Variants in DSC2 observed in about 807,000 individuals in gnomAD.
DSC2 encodes desmocollin-2.
Under a neutral mutation model 87.6 loss-of-function variants are expected in DSC2, and 51 were observed. The observed-to-expected ratio is 0.58, with a 90% CI of 0.46 to 0.74. The LOEUF is 0.74. DSC2 is among the 30% of genes least tolerant of loss of function. DSC2 has a pLI of 0.00. For synonymous variants in DSC2, 383 were observed against 393.2 expected, an observed-to-expected ratio of 0.97 and a Z score of 0.31; for missense variants, 1,066 against 1,089.5, an observed-to-expected ratio of 0.98 and a Z score of 0.30.
intron 7 of DSC2, among the ~76,000 whole-genome samples, chr18:31,085,471 A>T (rs1210192300): frequency 2.0e-5 from 3 of 151,236 alleles, no homozygotes; most frequent in Non-Finnish European, 3.0e-5. Flanking sequence ...TATTTTTAAT[A>T]TTTAAATTAA....
At chr18:31,076,719 A>G (rs1306311483) in intron 11 of DSC2, among the ~76,000 whole-genome samples, 1 of 152,206 alleles carries the variant, frequency 6.6e-6, no homozygotes, top group African/African-American at 2.4e-5. Flanking sequence ...TTAAAGAAAA[A>G]CATGGCTTTT....
intron 6 of DSC2, 110 bp from the exon 7 acceptor site, chr18:31,086,852 T>C (rs955743709): frequency 7.6e-6 from 9 of 1,185,260 alleles, no homozygotes; most frequent in South Asian, 4.0e-5. Context: ...CATTATTACA[T>C]GGCAAAGTCA....
In DSC2 at chr18:31,059,825, A is replaced by G. The variant is rs1431113340; in HGVS notation, c.*8190T>C. On this transcript the variant is annotated 3_prime_UTR_variant, in exon 16 of 16. Transcript: ENST00000280904. ...TTTTCCCATTTAATTAAAGTTTTCAAAATAAAATGATTGCATGATATTCCA... is the reference window on the plus strand; with the variant it reads ...TTTTCCCATTTAATTAAAGTTTTCAGAATAAAATGATTGCATGATATTCCA... 6.6e-6 allele frequency: 1 copy of G among 152,220 alleles called. No homozygotes were observed. Among genetic ancestry groups the G allele is most frequent in the Non-Finnish European group, 1.5e-5 (1 of 68,048 alleles). The allele number at this position is 152,220 out of a possible 1,614,324, so 9.4% of individuals were successfully genotyped here.
In DSC2 at chr18:31,060,978, C is replaced by G. The variant is rs1379330434; in HGVS notation, c.*7037G>C. 1 of 152,134 alleles carries G rather than the reference C, an allele frequency of 6.6e-6. No homozygotes were observed. 9.4% of individuals were successfully genotyped at this position (152,134 alleles called of 1,614,324 possible). A position where few individuals can be genotyped will look rare whatever the true frequency, so the allele number is the denominator to read the frequency against. On this transcript the variant is annotated 3_prime_UTR_variant, in exon 16 of 16. Transcript: ENST00000280904. ...TAAGTTTCATAAACCACCAAATAAT[C>G]AATAAACCCAGTTACTAAAACCCTA...
intron 1 of DSC2, chr18:31,101,370 C>T (rs1348139127): frequency 1.3e-6 from 1 of 753,248 alleles, no homozygotes; most frequent in Non-Finnish European, 1.6e-6. Context: ...CTCTCCGTCC[C>T]GGCCGCCCAG....
intron 14 of DSC2, among the ~76,000 whole-genome samples, chr18:31,069,442 T>C (rs1172417752): frequency 2.0e-5 from 3 of 152,058 alleles, no homozygotes; most frequent in African/African-American, 7.2e-5. Flanking sequence ...CTGCCCATTG[T>C]GGTGGCTCAT....
intron 3 of DSC2, chr18:31,091,473 C>T (rs975690666): frequency 1.9e-5 from 9 of 485,254 alleles, no homozygotes; most frequent in African/African-American, 1.2e-4. Flanking sequence ...GAGAGATATG[C>T]AAAGAAAATA....
At chr18:31,098,211 A>C (rs1598595820) in intron 1 of DSC2, among the ~76,000 whole-genome samples, 2 of 152,314 alleles carry the variant, frequency 1.3e-5, no homozygotes, top group South Asian at 4.1e-4. Flanking sequence ...AGTCATAACT[A>C]GGCCTCGTGG....
At position 31,089,442 on chromosome 18, in the gene DSC2, A is replaced by G. The variant is rs754168300; in HGVS notation, c.627T>C (p.Phe209=). ...RPVDREQYES[F]EIIAFATTPD... Reference sequence around the variant, plus strand: ...GTACACACATTTTAGACTTTACCTCAAAAGATTCATACTGCTCACGATCTA... The same window carrying G: ...GTACACACATTTTAGACTTTACCTCGAAAGATTCATACTGCTCACGATCTA... The change falls in exon 5 of 16, where the codon TTT becomes TTC. Residue 209 remains phenylalanine (F), a synonymous_variant. Coordinates refer to ENST00000280904, the MANE Select transcript of DSC2 (RefSeq NM_024422.6). The G allele has an allele frequency of 6.2e-6, 10 of 1,613,676 alleles. No homozygotes were observed. In the East Asian group the frequency reaches 8.9e-5, roughly 14 times the overall value.
rs794728075 is a variant in DSC2 at position 31,082,378 on chromosome 18, G to A, written c.1123C>T (p.Arg375Ter). ...EENTVDVEIL[R>*]VTVEDKDLVN... Reference sequence around the variant, plus strand: ...AAGTCCTTATCCTCAACAGTAACTCGTAAGATTTCCACATCAACTGTATTT... The same window carrying A: ...AAGTCCTTATCCTCAACAGTAACTCATAAGATTTCCACATCAACTGTATTT... Residue 375 changes from arginine to a stop codon, truncating the protein, a stop_gained, in exon 9 of 16, where the codon CGA becomes TGA. Coordinates refer to ENST00000280904, the MANE Select transcript of DSC2 (RefSeq NM_024422.6). LOFTEE classifies it high-confidence loss of function. 6.8e-6 allele frequency: 11 copies of A among 1,613,524 alleles called. No individual in the cohort carries two copies. The highest frequency in any genetic ancestry group is 1.7e-5 in the Admixed American group (1 of 59,976).
chr18:31,072,172 ATATT>A lies in DSC2; in HGVS notation c.1889-335_1889-332del, dbSNP rs1226727140. Among the ~76,000 whole-genome samples the A allele has an allele frequency of 2.6e-5, 4 of 152,240 alleles. No individual in the cohort carries two copies. In the East Asian group the frequency reaches 7.7e-4, roughly 29 times the overall value. Reference sequence around the variant, plus strand: ...GATTAGTTTTTACCATATCTTGAAAATATTTAATTAAACCAGTGAGTGTACATTT... The same window carrying A: ...GATTAGTTTTTACCATATCTTGAAAATAATTAAACCAGTGAGTGTACATTT... On this transcript the variant is annotated intron_variant, in intron 12 of 15. Coordinates refer to ENST00000280904, the MANE Select transcript of DSC2 (RefSeq NM_024422.6).
intron 11 of DSC2, among the ~76,000 whole-genome samples, chr18:31,077,514 T>TA: frequency 6.6e-6 from 1 of 152,252 alleles, no homozygotes. Flanking sequence ...TTACAGTTGC[T>TA]CACTGATTAA....
chr18:31,088,560 A>G (rs908081302), intron 5 of DSC2, among the ~76,000 whole-genome samples: 1 of 152,218 alleles, frequency 6.6e-6, no homozygotes, highest in African/African-American at 2.4e-5. Flanking sequence ...ATGAATAATT[A>G]ATTCATCCAA....
At chr18:31,083,757 G>C (rs920020918) in intron 7 of DSC2, among the ~76,000 whole-genome samples, 3 of 152,044 alleles carry the variant, frequency 2.0e-5, no homozygotes, top group African/African-American at 4.8e-5. Context: ...CAATTTATCA[G>C]ATATTGTTGA....
intron 7 of DSC2, among the ~76,000 whole-genome samples, chr18:31,085,231 T>C (rs1987357445): frequency 6.6e-6 from 1 of 152,062 alleles, no homozygotes; most frequent in Non-Finnish European, 1.5e-5. Context: ...ATGCTTCAGC[T>C]AAAACTACAT....
chr18:31,068,274 C>A (rs1428165175), intron 15 of DSC2, 62 bp from the exon 16 acceptor site: 1 of 1,612,892 alleles, frequency 6.2e-7, no homozygotes, highest in Non-Finnish European at 8.5e-7. Context: ...AATTTACTAA[C>A]ATAAAAGTAA....
At chr18:31,081,595 T>C (rs937152365) in intron 9 of DSC2, among the ~76,000 whole-genome samples, 1 of 152,176 alleles carries the variant, frequency 6.6e-6, no homozygotes, top group South Asian at 2.1e-4. Context: ...TGTGAATATA[T>C]ACAAAAAGAA....
At chr18:31,098,763 C>T (rs1002961998) in intron 1 of DSC2, among the ~76,000 whole-genome samples, 3 of 152,146 alleles carry the variant, frequency 2.0e-5, no homozygotes, top group Non-Finnish European at 4.4e-5. Flanking sequence ...GCCTAATTTA[C>T]ACTTTTATTT....
intron 4 of DSC2, among the ~76,000 whole-genome samples, chr18:31,090,733 G>C (rs1013612565): frequency 6.6e-6 from 1 of 152,152 alleles, no homozygotes; most frequent in African/African-American, 2.4e-5. Flanking sequence ...TTATGCAAGA[G>C]AGTTTTGGGT....
Sources: allele counts gnomAD v4.1 joint callset (sites outside exome capture counted in the v4.1 genomes callset), GRCh38; gene constraint gnomAD v4.1.1; transcripts MANE v1.5; gene names NCBI Gene and HGNC (gene_info 2026-07-23, HGNC 2026-07-21).